Variants in CDC123 observed in about 807,000 individuals in gnomAD.
CDC123 encodes the protein cell division cycle 123.
A neutral mutation model predicts 54.4 loss-of-function variants in CDC123; 37 were observed. The observed-to-expected ratio is 0.68, with a 90% confidence interval of 0.52 to 0.89. CDC123 has a LOEUF of 0.89. CDC123 is among the 40% of genes least tolerant of loss of function. The probability of loss-of-function intolerance (pLI) is 0.00; values close to 1 mark genes in which losing one functional copy is unlikely to be tolerated. For missense variants in CDC123, 361 were observed against 412.1 expected, an observed-to-expected ratio of 0.88 and a Z score of 1.07; for synonymous variants, 144 against 136.8, an observed-to-expected ratio of 1.05 and a Z score of -0.37.
chr10:12,197,640 G>T (rs1835380848), intron 1 of CDC123, among the ~76,000 whole-genome samples: 1 of 151,674 alleles, frequency 6.6e-6, no homozygotes, highest in African/African-American at 2.4e-5. Flanking sequence ...GCCTCCCAAA[G>T]TGCTGGGATT....
intron 2 of CDC123, among the ~76,000 whole-genome samples, chr10:12,205,617 A>G (rs1187950411): frequency 6.6e-6 from 1 of 152,238 alleles, no homozygotes; most frequent in Admixed American, 6.5e-5. Flanking sequence ...CTTGGCTGAC[A>G]GTGGCAGAAC....
intron 9 of CDC123, 97 bp from the exon 10 acceptor site, chr10:12,238,360 C>A: frequency 7.3e-7 from 1 of 1,370,864 alleles, no homozygotes; most frequent in East Asian, 2.4e-5. Flanking sequence ...CATTTATATT[C>A]TGCTGTCTTT....
intron 1 of CDC123, 44 bp from the exon 2 acceptor site, chr10:12,198,661 G>T (rs1317061747): frequency 9.9e-6 from 10 of 1,009,364 alleles, no homozygotes; most frequent in South Asian, 1.4e-5. Flanking sequence ...TCTGCTTATA[G>T]TTGGTCTTTT....
chr10:12,223,710 T>A (rs1455949276), intron 6 of CDC123, among the ~76,000 whole-genome samples: 1 of 152,220 alleles, frequency 6.6e-6, no homozygotes, highest in African/African-American at 2.4e-5. Flanking sequence ...TTCTTTGAGC[T>A]GAGGATGATT....
chr10:12,211,095 GAA>G (rs1835593000), intron 4 of CDC123, among the ~76,000 whole-genome samples: 1 of 152,154 alleles, frequency 6.6e-6, no homozygotes, highest in African/African-American at 2.4e-5. Context: ...TAAAAATGTA[GAA>G]GTTATCAAGC....
At chr10:12,197,399 A>C (rs1294160992) in intron 1 of CDC123, among the ~76,000 whole-genome samples, 3 of 151,512 alleles carry the variant, frequency 2.0e-5, no homozygotes, top group African/African-American at 7.3e-5. Context: ...TTTTTGAGAC[A>C]GAGTTTTGTT....
At chr10:12,238,837 T>A (rs2131762811) in intron 10 of CDC123, among the ~76,000 whole-genome samples, 1 of 152,020 alleles carries the variant, frequency 6.6e-6, no homozygotes, top group South Asian at 2.1e-4. Flanking sequence ...CTCGGCAACA[T>A]GGTGAAACTC....
chr10:12,226,964 A>C (rs1015901704), intron 6 of CDC123, among the ~76,000 whole-genome samples: 7 of 152,114 alleles, frequency 4.6e-5, no homozygotes, highest in Non-Finnish European at 7.4e-5. Flanking sequence ...AGCCTGGGCA[A>C]CATTGAGCAC....
chr10:12,250,331 C>G lies in CDC123; in HGVS notation c.1005C>G (p.Asp335Glu). Residue 335 changes from aspartate to glutamate, a missense_variant, in exon 13 of 13, where the codon GAC becomes GAG. Coordinates refer to ENST00000281141, the MANE Select transcript of CDC123 (RefSeq NM_006023.3). ...GACAGAAGAGAAATCAGCAGGAGGA[C>G]GACTGATGAGCGTACTGGAACTGGA... The part of the protein sequence containing the change: ...FLKLKRNQQE[D>E]D 6.2e-7 allele frequency: 1 copy of G among 1,601,162 alleles called. No individual in the cohort carries two copies. The highest frequency in any genetic ancestry group is 8.5e-7 in the Non-Finnish European group (1 of 1,170,022).
chr10:12,233,733 G>A (rs770884137), intron 7 of CDC123, among the ~76,000 whole-genome samples: 3 of 152,034 alleles, frequency 2.0e-5, no homozygotes, highest in Middle Eastern at 3.4e-3. Flanking sequence ...GCTTGACTAA[G>A]AGCTTATAAT....
chr10:12,227,850 T>C (rs1835847807), intron 6 of CDC123, among the ~76,000 whole-genome samples: 1 of 152,162 alleles, frequency 6.6e-6, no homozygotes, highest in Admixed American at 6.6e-5. Flanking sequence ...TCTAGATACA[T>C]GTAGTACTTA....
intron 6 of CDC123, among the ~76,000 whole-genome samples, chr10:12,224,233 C>T (rs1835775459): frequency 1.3e-5 from 2 of 149,250 alleles, no homozygotes; most frequent in Non-Finnish European, 1.5e-5. Context: ...GATTAGTCAT[C>T]AGTACTAGTT....
intron 4 of CDC123, among the ~76,000 whole-genome samples, chr10:12,214,486 T>C (rs1835639856): frequency 6.6e-6 from 1 of 152,232 alleles, no homozygotes; most frequent in Non-Finnish European, 1.5e-5. Context: ...TTCATGTATC[T>C]AAGCTGAAGT....
At chr10:12,210,595 G>T (rs1835584243) in intron 4 of CDC123, among the ~76,000 whole-genome samples, 1 of 152,190 alleles carries the variant, frequency 6.6e-6, no homozygotes, top group Non-Finnish European at 1.5e-5. Flanking sequence ...CTCTCTGCAA[G>T]AAGGAATTAC....
intron 4 of CDC123, among the ~76,000 whole-genome samples, chr10:12,211,681 A>G (rs1254993479): frequency 1.3e-5 from 2 of 152,234 alleles, no homozygotes; most frequent in Non-Finnish European, 2.9e-5. Flanking sequence ...TGACACAGGC[A>G]GGGGGAGATG....
chr10:12,199,692 A>T (rs1367261418), intron 2 of CDC123, among the ~76,000 whole-genome samples: 3 of 152,222 alleles, frequency 2.0e-5, no homozygotes, highest in African/African-American at 7.2e-5. Context: ...TGTTTTTGGT[A>T]TTCACAGAGC....
chr10:12,217,242 A>G, intron 5 of CDC123, 119 bp from the exon 6 acceptor site: 1 of 922,906 alleles, frequency 1.1e-6, no homozygotes, highest in East Asian at 2.8e-5. Flanking sequence ...GCTTAAATTT[A>G]CTTGACTTTC....
chr10:12,199,526 TG>T (rs747057780), intron 2 of CDC123, among the ~76,000 whole-genome samples: 78 of 152,306 alleles, frequency 5.1e-4, no homozygotes, highest in Non-Finnish European at 3.1e-4. Context: ...CCCCAGCTCA[TG>T]GAACAGTGCC....
intron 6 of CDC123, among the ~76,000 whole-genome samples, chr10:12,225,429 A>G (rs910282557): frequency 1.3e-5 from 2 of 152,114 alleles, no homozygotes; most frequent in African/African-American, 2.4e-5. Flanking sequence ...AAAAGAAAAT[A>G]TGTGTCTAGT....
Sources: gnomAD v4.1 joint callset for allele counts (sites outside exome capture counted in the v4.1 genomes callset) on GRCh38, gnomAD v4.1.1 for gene constraint, MANE v1.5 for transcripts, NCBI Gene and HGNC (gene_info 2026-07-23, HGNC 2026-07-21) for gene names.